GRIA4: variants seen among roughly 807,000 people sequenced by gnomAD.
GRIA4 encodes glutamate receptor 4.
A neutral mutation model predicts 104.0 loss-of-function variants in GRIA4; 34 were observed. The observed-to-expected ratio is 0.33, with a 90% CI of 0.25 to 0.44. GRIA4 has a LOEUF of 0.44. GRIA4 is among the 20% of genes least tolerant of loss of function. GRIA4 has a pLI of 1.00. For missense variants in GRIA4, 750 were observed against 1,096.5 expected (o/e 0.68, Z 4.46); for synonymous variants, 386 against 381.9 (o/e 1.01, Z -0.13).
rs1164069293 is a variant in GRIA4 at position 105,979,692 on chromosome 11, A to G, written c.2662A>G (p.Ile888Val). The G allele has an allele frequency of 6.2e-7, 1 of 1,614,102 alleles. No homozygotes were observed. The highest frequency in any genetic ancestry group is 8.5e-7 in the Non-Finnish European group (1 of 1,179,924). ...AAAGGCTGTACACACTGGAACTGCA[A>G]TCAGACAAAGTTCAGGATTGGCTGT... ...CPKAVHTGTAIRQSSGLAVIA... is the reference protein window; with the variant it reads ...CPKAVHTGTAVRQSSGLAVIA... Residue 888 changes from isoleucine to valine, a missense_variant, in exon 17 of 17, where the codon ATC (isoleucine) becomes GTC (valine). Physicochemically the swap from Ile to Val is conservative, Grantham distance 29. Around this residue, in one of 3 missense-constraint regions of GRIA4, gnomAD observed 68 missense variants for 69.3 expected, o/e 0.98. Coordinates refer to ENST00000282499, the MANE Select transcript of GRIA4 (RefSeq NM_000829.4).
At chr11:105,863,360 T>C (rs1327210173) in intron 5 of GRIA4, among the ~76,000 whole-genome samples, 1 of 151,542 alleles carries the variant, frequency 6.6e-6, no homozygotes, top group Non-Finnish European at 1.5e-5. Flanking sequence ...AGTATTTACT[T>C]CCTGTCGTCC....
At chr11:105,697,283 GTCTC>G (rs1170282398) in intron 3 of GRIA4, among the ~76,000 whole-genome samples, 2 of 151,928 alleles carry the variant, frequency 1.3e-5, no homozygotes, top group African/African-American at 4.8e-5. Context: ...GAAAGCTAGA[GTCTC>G]TCTCTCTCTT....
intron 3 of GRIA4, among the ~76,000 whole-genome samples, chr11:105,690,103 T>A (rs904303676): frequency 3.9e-5 from 6 of 152,192 alleles, no homozygotes; most frequent in South Asian, 2.1e-4. Context: ...TATACTTACA[T>A]CTTTTTTTTC....
chr11:105,859,512 C>T (rs576213951), intron 4 of GRIA4, among the ~76,000 whole-genome samples: 96 of 152,140 alleles, frequency 6.3e-4, no homozygotes, highest in Non-Finnish European at 1.1e-3. Context: ...GGTAAGTGGG[C>T]ATATCTATAA....
At chr11:105,667,314 TAA>T (rs1275863422) in intron 3 of GRIA4, among the ~76,000 whole-genome samples, 1 of 151,890 alleles carries the variant, frequency 6.6e-6, no homozygotes, top group Non-Finnish European at 1.5e-5. Flanking sequence ...AGATGATAAC[TAA>T]AAAAGTTACT....
intron 4 of GRIA4, among the ~76,000 whole-genome samples, chr11:105,784,347 C>A (rs923448789): frequency 1.3e-5 from 2 of 152,106 alleles, no homozygotes. Context: ...TTCTGTAAAT[C>A]CCTCATCATT....
intron 5 of GRIA4, among the ~76,000 whole-genome samples, chr11:105,878,718 G>A (rs1388809972): frequency 6.6e-6 from 1 of 152,122 alleles, no homozygotes. Context: ...TACAATGTGG[G>A]GTAATGGCAG....
rs1951134673 is a variant in GRIA4, at chr11:105,634,468, G to GAAA, written c.247+22034_247+22035insAAA. ...AGGAAGGAGAAAGAAAGAAAGAAAG[G>GAAA]GAAAGAAAGAAAGAAAGAAAGAAAG... On this transcript the variant is annotated intron_variant, in intron 3 of 16. Transcript: ENST00000282499. 1.2e-3 allele frequency among the ~76,000 whole-genome samples: 111 copies of GAAA among 94,350 alleles called. 1 individual carries two copies. Among genetic ancestry groups the GAAA allele is most frequent in the African/African-American group, 4.0e-3 (99 of 24,510 alleles). 61.9% of individuals were successfully genotyped at this position (94,350 alleles called of 152,430 possible). A position where few individuals can be genotyped will look rare whatever the true frequency, so the allele number is the denominator to read the frequency against.
At chr11:105,666,121 G>A (rs1332424599) in intron 3 of GRIA4, among the ~76,000 whole-genome samples, 1 of 151,988 alleles carries the variant, frequency 6.6e-6, no homozygotes, top group African/African-American at 2.4e-5. Flanking sequence ...GTAAGGCTGT[G>A]TACTGAAATA....
At chr11:105,715,974 T>C (rs1322423369) in intron 3 of GRIA4, among the ~76,000 whole-genome samples, 7 of 152,174 alleles carry the variant, frequency 4.6e-5, no homozygotes, top group African/African-American at 2.4e-5. Flanking sequence ...TAATTGCAAG[T>C]GAGGCCCAGG....
At chr11:105,961,072 TC>T (rs1326243753) in intron 14 of GRIA4, among the ~76,000 whole-genome samples, 16 of 152,214 alleles carry the variant, frequency 1.1e-4, no homozygotes, top group Non-Finnish European at 2.9e-5. Flanking sequence ...GCCCCGCCCA[TC>T]CGATCTCCAG....
Position 105,951,544 on chromosome 11 carries a change from C to G in GRIA4, c.2294+17575C>G, listed in dbSNP as rs971169423. Among the ~76,000 whole-genome samples the G allele has an allele frequency of 6.6e-5, 10 of 152,144 alleles. 1 individual carries two copies. The South Asian group carries it at 1.2e-3, about 19-fold the overall frequency. ...AGGCAGGGACTTTACTGAGTATAGT[C>G]TCAAACACCCCAAGGCCACCACAAA... On this transcript the variant is annotated intron_variant, in intron 14 of 16. Coordinates refer to ENST00000282499, the MANE Select transcript of GRIA4 (RefSeq NM_000829.4).
intron 3 of GRIA4, among the ~76,000 whole-genome samples, chr11:105,673,731 T>A (rs1952447199): frequency 6.6e-6 from 1 of 152,000 alleles, no homozygotes; most frequent in Non-Finnish European, 1.5e-5. Context: ...TTTTGAAGTT[T>A]CTCACATTTC....
chr11:105,969,637 A>G (rs2155338), intron 14 of GRIA4, among the ~76,000 whole-genome samples: 94,724 of 151,918 alleles, frequency 0.62, 29,594 homozygotes, highest in Middle Eastern at 0.68. Context: ...ACTTTCCTCC[A>G]GTTTTCAGCA....
At chr11:105,734,040 T>A (rs1336909188) in intron 3 of GRIA4, among the ~76,000 whole-genome samples, 1 of 146,992 alleles carries the variant, frequency 6.8e-6, no homozygotes, top group Non-Finnish European at 1.5e-5. Context: ...ATATGTATAT[T>A]ATATATAATA....
chr11:105,843,157 T>G (rs1426441119), intron 4 of GRIA4, among the ~76,000 whole-genome samples: 1 of 152,208 alleles, frequency 6.6e-6, no homozygotes, highest in African/African-American at 2.4e-5. Context: ...GCGCTCTGCC[T>G]TGGGCAAACC....
At chr11:105,805,480 A>G (rs1191270029) in intron 4 of GRIA4, among the ~76,000 whole-genome samples, 16 of 40,802 alleles carry the variant, frequency 3.9e-4, no homozygotes, top group Admixed American at 3.2e-3. Context: ...GAAATCAGGA[A>G]AAAAAAAAAA....
chr11:105,945,162 T>C (rs1948278212), intron 14 of GRIA4, among the ~76,000 whole-genome samples: 1 of 152,100 alleles, frequency 6.6e-6, no homozygotes, highest in Non-Finnish European at 1.5e-5. Flanking sequence ...CCCTCCATTA[T>C]TCACTCCAGC....
intron 3 of GRIA4, among the ~76,000 whole-genome samples, chr11:105,746,956 G>A (rs1447066745): frequency 6.6e-6 from 1 of 151,966 alleles, no homozygotes; most frequent in African/African-American, 2.4e-5. Flanking sequence ...GAAAGTAGAT[G>A]TAGGAAAAAA....
Sources: allele counts gnomAD v4.1 joint callset (sites outside exome capture counted in the v4.1 genomes callset), GRCh38; gene constraint gnomAD v4.1.1; regional missense constraint gnomAD v4.1.1; transcripts MANE v1.5; gene names NCBI Gene and HGNC (gene_info 2026-07-23, HGNC 2026-07-21).